FAT3: variants seen among roughly 807,000 people sequenced by gnomAD.
FAT3 encodes the protein FAT atypical cadherin 3.
FAT3 carries 95 observed loss-of-function variants against 310.2 expected under a neutral mutation model. That is an observed-to-expected ratio of 0.31 (90% CI 0.26 to 0.36). FAT3 has a LOEUF of 0.36. FAT3 is among the 10% of genes least tolerant of loss of function. The pLI, the probability that FAT3 is intolerant of heterozygous loss-of-function variation, is 1.00. For synonymous variants in FAT3, 2,314 were observed against 2,192.9 expected (o/e 1.06, Z -1.54); for missense variants, 5,408 against 5,715.6 (o/e 0.95, Z 1.74).
At chr11:92,761,451 A>G (rs1441666649) in intron 4 of FAT3, among the ~76,000 whole-genome samples, 1 of 152,200 alleles carries the variant, frequency 6.6e-6, no homozygotes, top group African/African-American at 2.4e-5. Context: ...TGAAGACTGG[A>G]AAGTCCAAGG....
chr11:92,401,079 A>C (rs1950002147), intron 2 of FAT3, among the ~76,000 whole-genome samples: 1 of 152,214 alleles, frequency 6.6e-6, no homozygotes, highest in Non-Finnish European at 1.5e-5. Context: ...AACAAGAGAA[A>C]AATGAACTAA....
chr11:92,228,959 T>A (rs947698102), intron 1 of FAT3, among the ~76,000 whole-genome samples: 2 of 152,212 alleles, frequency 1.3e-5, no homozygotes, highest in African/African-American at 4.8e-5. Context: ...TTTGAATTGA[T>A]TTCCTTTGAT....
intron 19 of FAT3, among the ~76,000 whole-genome samples, chr11:92,845,885 A>G (rs1010905884): frequency 1.3e-5 from 2 of 152,028 alleles, no homozygotes. Flanking sequence ...TCTGAGAGAC[A>G]CTTTGACAGG....
intron 3 of FAT3, among the ~76,000 whole-genome samples, chr11:92,554,551 G>T (rs762527859): frequency 1.2e-4 from 18 of 150,010 alleles, no homozygotes; most frequent in Non-Finnish European, 2.7e-4. Context: ...TTACTAGAGG[G>T]GATACTGTAG....
chr11:92,489,002 A>G (rs897586125), intron 2 of FAT3, among the ~76,000 whole-genome samples: 5 of 152,126 alleles, frequency 3.3e-5, no homozygotes, highest in Non-Finnish European at 7.4e-5. Flanking sequence ...TACTCCATCC[A>G]CCTAGGAGAG....
chr11:92,623,971 C>T (rs539391467), intron 3 of FAT3, among the ~76,000 whole-genome samples: 1 of 152,130 alleles, frequency 6.6e-6, no homozygotes, highest in East Asian at 1.9e-4. Context: ...AATCGCTTAC[C>T]CCGTATAACA....
At chr11:92,611,807 A>G (rs188258842) in intron 3 of FAT3, among the ~76,000 whole-genome samples, 142 of 152,338 alleles carry the variant, frequency 9.3e-4, no homozygotes, top group African/African-American at 3.2e-3. Context: ...TAAAAAGGCC[A>G]AAAAGGCCAA....
At chr11:92,440,533 T>C (rs1292988540) in intron 2 of FAT3, among the ~76,000 whole-genome samples, 1 of 152,106 alleles carries the variant, frequency 6.6e-6, no homozygotes, top group Non-Finnish European at 1.5e-5. Context: ...AGCTCTCATA[T>C]GTGGCGTACA....
intron 3 of FAT3, among the ~76,000 whole-genome samples, chr11:92,600,911 A>G (rs532230833): frequency 6.6e-6 from 1 of 152,264 alleles, no homozygotes; most frequent in African/African-American, 2.4e-5. Flanking sequence ...GGTGAGAAGG[A>G]TCTAGCTCTG....
Position 92,412,943 on chromosome 11 carries a change from C to G in FAT3, c.3292+57539C>G, listed in dbSNP as rs551316910. 1.4e-3 allele frequency among the ~76,000 whole-genome samples: 208 copies of G among 151,546 alleles called. 1 individual carries two copies. Among genetic ancestry groups the G allele is most frequent in the African/African-American group, 4.5e-3 (186 of 41,378 alleles). ...AACTGACAAACCTACATTGACACAT[C>G]ATAGTCATCCAACTCCTACAGTTTC... On this transcript the variant is annotated intron_variant, in intron 2 of 27. Coordinates refer to ENST00000525166, the MANE Select transcript of FAT3 (RefSeq NM_001367949.2).
chr11:92,345,688 T>G (rs576324061), intron 1 of FAT3, among the ~76,000 whole-genome samples: 1 of 152,312 alleles, frequency 6.6e-6, no homozygotes, highest in East Asian at 1.9e-4. Context: ...TATCTAAACC[T>G]TCTGAGTAAA....
At chr11:92,642,409 G>A (rs1369863347) in intron 3 of FAT3, among the ~76,000 whole-genome samples, 1 of 152,158 alleles carries the variant, frequency 6.6e-6, no homozygotes, top group Non-Finnish European at 1.5e-5. Context: ...TTAACCTCCA[G>A]TGCAAAACTG....
At chr11:92,380,570 C>T (rs1949471510) in intron 2 of FAT3, among the ~76,000 whole-genome samples, 1 of 152,170 alleles carries the variant, frequency 6.6e-6, no homozygotes, top group South Asian at 2.1e-4. Context: ...AGATAATACA[C>T]AGCCAACACA....
intron 1 of FAT3, among the ~76,000 whole-genome samples, chr11:92,263,088 G>GGTTTCCAGTTTTCACAGCTTT (rs1364557176): frequency 6.6e-6 from 1 of 151,698 alleles, no homozygotes; most frequent in Non-Finnish European, 1.5e-5. Context: ...GGGAATCCTT[G>GGTTTCCAGTTTTCACAGCTTT]GTTTCCAGTT....
intron 2 of FAT3, among the ~76,000 whole-genome samples, chr11:92,377,652 C>T (rs926371475): frequency 1.3e-5 from 2 of 152,124 alleles, no homozygotes; most frequent in African/African-American, 4.8e-5. Context: ...GTATATTCCT[C>T]TCATTCCTTA....
At chr11:92,775,514 C>A (rs1946576333) in intron 7 of FAT3, among the ~76,000 whole-genome samples, 1 of 152,130 alleles carries the variant, frequency 6.6e-6, no homozygotes, top group African/African-American at 2.4e-5. Flanking sequence ...CAGTGTGAGA[C>A]AATTTCTGAT....
chr11:92,753,792 G>GTA (rs1374836862), intron 4 of FAT3, among the ~76,000 whole-genome samples: 1 of 104,782 alleles, frequency 9.5e-6, no homozygotes, highest in African/African-American at 4.9e-5. Context: ...GTGTGTGTGT[G>GTA]TGTGTGTATA....
At chr11:92,787,175 A>G (rs769978143) in intron 7 of FAT3, among the ~76,000 whole-genome samples, 4 of 152,194 alleles carry the variant, frequency 2.6e-5, no homozygotes, top group Non-Finnish European at 5.9e-5. Flanking sequence ...TGTTATGTTA[A>G]CTGTAACTGT....
intron 7 of FAT3, among the ~76,000 whole-genome samples, chr11:92,774,581 A>G (rs927202277): frequency 6.6e-6 from 1 of 152,216 alleles, no homozygotes; most frequent in South Asian, 2.1e-4. Context: ...AGAATACCTA[A>G]GAGTCCAAAT....
Sources: allele counts gnomAD v4.1 joint callset (sites outside exome capture counted in the v4.1 genomes callset), GRCh38; gene constraint gnomAD v4.1.1; transcripts MANE v1.5; gene names NCBI Gene and HGNC (gene_info 2026-07-23, HGNC 2026-07-21).